RIMS1: variants seen among roughly 807,000 people sequenced by gnomAD.
The protein encoded by RIMS1 is regulating synaptic membrane exocytosis 1.
Under a neutral mutation model 214.1 loss-of-function variants are expected in RIMS1, and 83 were observed. That is an observed-to-expected ratio of 0.39 (90% CI 0.32 to 0.47). The LOEUF (loss-of-function observed/expected upper bound fraction) is 0.47. Among genes scored for constraint, RIMS1 ranks in the 20% least tolerant of loss-of-function variants. RIMS1 has a pLI of 0.99. For synonymous variants in RIMS1, 793 were observed against 786.8 expected (o/e 1.01, Z -0.13); for missense variants, 2,050 against 2,161.8 (o/e 0.95, Z 1.03).
chr6:72,169,972 T>A (rs2046800636), intron 4 of RIMS1, among the ~76,000 whole-genome samples: 1 of 152,186 alleles, frequency 6.6e-6, no homozygotes, highest in Non-Finnish European at 1.5e-5. Context: ...TCGTCATTAC[T>A]CATCATAAAA....
Position 72,182,863 on chromosome 6 carries a change from C to A in RIMS1, c.1392C>A (p.Leu464=). ...CGGTTCCCGCAGAAGCCCCGGAGCT[C>A]AAAGCCCAGGAGCCCCTCAGGAAGC... ...HGPVPAEAPE[L]KAQEPLRKQS... is the part of the protein sequence containing the mutation. Residue 464 remains leucine (L), a synonymous_variant, in exon 6 of 34, where the codon CTC becomes CTA. Coordinates refer to ENST00000521978, the MANE Select transcript of RIMS1 (RefSeq NM_014989.7). The A allele has an allele frequency of 6.4e-7, 1 of 1,559,476 alleles. No individual in the cohort carries two copies. The highest frequency in any genetic ancestry group is 2.4e-5 in the East Asian group (1 of 41,466).
In RIMS1 at chr6:71,887,180, A is replaced by G. The variant is rs575393307; in HGVS notation, c.157A>G (p.Met53Val). ...QKEEEEKEEA[M>V]LKCVVRDMAK... is the part of the protein sequence containing the mutation. ...GGAAGAGGAGGAAAAAGAAGAAGCC[A>G]TGCTCAAGTAAGCCAGCCCCAGCCG... is the stretch of plus-strand genomic sequence containing the variant. Residue 53 changes from methionine (M) to valine (V), a missense_variant, in exon 1 of 34, where the codon ATG (methionine) becomes GTG (valine). By Grantham distance (21) the Met-to-Val change is conservative. Around this residue, in one of 6 missense-constraint regions of RIMS1, gnomAD observed 882 missense variants for 828.9 expected, o/e 1.06. Coordinates refer to ENST00000521978, the MANE Select transcript of RIMS1 (RefSeq NM_014989.7). 2 of 1,606,204 alleles carry G rather than the reference A, an allele frequency of 1.2e-6. No homozygotes were observed. Among genetic ancestry groups the G allele is most frequent in the Admixed American group, 3.4e-5 (2 of 58,998 alleles).
At chr6:72,376,739 T>A (rs1236398357) in intron 29 of RIMS1, among the ~76,000 whole-genome samples, 15 of 143,262 alleles carry the variant, frequency 1.0e-4, no homozygotes, top group African/African-American at 4.0e-4. Context: ...AGAGAGAGAC[T>A]CTGTCTCAAA....
rs541339754 is a variant in RIMS1, at chr6:72,147,181, G to T, written c.472-32394G>T. ...AGATTAAAGTCATATGAATTAAAAG[G>T]CATTACAGCTTTAATTTTTCCTTCA... is the stretch of plus-strand genomic sequence containing the variant. On this transcript the variant is annotated intron_variant, in intron 4 of 33. Transcript: ENST00000521978. Among the ~76,000 whole-genome samples, 11 of 152,218 alleles carry T rather than the reference G, an allele frequency of 7.2e-5. No individual in the cohort carries two copies. In the South Asian group the frequency reaches 2.3e-3, roughly 32 times the overall value.
intron 33 of RIMS1, 80 bp downstream of exon 33, chr6:72,399,174 GAA>G: frequency 9.1e-7 from 1 of 1,098,782 alleles, no homozygotes; most frequent in Non-Finnish European, 1.2e-6. Context: ...AACACAAAGA[GAA>G]TAAAATTTGG....
rs2044357622 is a variant in RIMS1, at chr6:72,155,772, G to C, written c.472-23803G>C. ...CCCATAATTCAATCACCTCCCACCA[G>C]GTTCCTCCCATGACATGTGGGAATT... On this transcript the variant is annotated intron_variant, in intron 4 of 33. Transcript: ENST00000521978. Among the ~76,000 whole-genome samples the C allele has an allele frequency of 1.4e-5, 2 of 140,124 alleles. 1 individual carries two copies. The highest frequency in any genetic ancestry group is 4.8e-4 in the South Asian group (2 of 4,202). The allele number at this position is 140,124 out of a possible 152,430, so 91.9% of individuals were successfully genotyped here.
intron 3 of RIMS1, 119 bp downstream of exon 3, chr6:72,097,281 A>G: frequency 2.4e-6 from 2 of 817,544 alleles, no homozygotes; most frequent in South Asian, 3.3e-5. Flanking sequence ...ACACGTTAAA[A>G]TGAACCTCCC....
chr6:72,348,875 A>G (rs957642416), intron 29 of RIMS1, among the ~76,000 whole-genome samples: 1 of 152,046 alleles, frequency 6.6e-6, no homozygotes, highest in African/African-American at 2.4e-5. Context: ...ATAATGATTG[A>G]TAAAGATATT....
In RIMS1 at chr6:72,265,015, C is replaced by T; in HGVS notation, c.3157C>T (p.Pro1053Ser). The change falls in exon 20 of 34, where the codon CCT becomes TCT. Residue 1053 changes from proline (P) to serine (S), a missense_variant. Pro to Ser is a moderately conservative substitution (Grantham distance 74). Coordinates refer to ENST00000521978, the MANE Select transcript of RIMS1 (RefSeq NM_014989.7). ...CTATAAAACATTACCTCCCAAGATG[C>T]CTTTATTACAGAGCAGTTCTCACTG... ...RHYKTLPPKMPLLQSSSHWNI... is the reference protein window; with the variant it reads ...RHYKTLPPKMSLLQSSSHWNI... The T allele has an allele frequency of 6.3e-7, 1 of 1,596,282 alleles. No homozygotes were observed. Among genetic ancestry groups the T allele is most frequent in the Non-Finnish European group, 8.5e-7 (1 of 1,169,684 alleles).
chr6:72,221,290 G>T (rs1351733226), intron 6 of RIMS1, among the ~76,000 whole-genome samples: 4 of 147,060 alleles, frequency 2.7e-5, no homozygotes, highest in Non-Finnish European at 6.0e-5. Context: ...GATCTGGGGT[G>T]AGTGTGTGTG....
chr6:71,911,419 C>T (rs1322154118), intron 1 of RIMS1, among the ~76,000 whole-genome samples: 2 of 152,098 alleles, frequency 1.3e-5, no homozygotes, highest in African/African-American at 4.8e-5. Context: ...ATTTTCTTAT[C>T]TATCTCTCTG....
At chr6:72,160,569 A>G (rs2045235235) in intron 4 of RIMS1, among the ~76,000 whole-genome samples, 1 of 139,898 alleles carries the variant, frequency 7.1e-6, no homozygotes, top group Non-Finnish European at 1.6e-5. Flanking sequence ...TCAATACCTA[A>G]TTTATTGAGA....
chr6:71,946,671 T>TA (rs1039026277), intron 1 of RIMS1, among the ~76,000 whole-genome samples: 26 of 152,088 alleles, frequency 1.7e-4, no homozygotes, highest in African/African-American at 6.0e-4. Flanking sequence ...CCTGAAACTC[T>TA]AAAACTATTA....
chr6:72,368,292 A>ATTTTTT (rs1168375463), intron 29 of RIMS1, among the ~76,000 whole-genome samples: 2 of 79,124 alleles, frequency 2.5e-5, no homozygotes, highest in Admixed American at 1.3e-4. Context: ...GTGTTGTCTG[A>ATTTTTT]TTTTTTTTTT....
At chr6:72,267,396 A>T (rs2081085522) in intron 22 of RIMS1, among the ~76,000 whole-genome samples, 1 of 152,168 alleles carries the variant, frequency 6.6e-6, no homozygotes, top group Non-Finnish European at 1.5e-5. Context: ...AATATTACCC[A>T]TATCAGTGCC....
At chr6:72,246,630 A>T (rs1320882692) in intron 11 of RIMS1, among the ~76,000 whole-genome samples, 1 of 152,172 alleles carries the variant, frequency 6.6e-6, no homozygotes, top group Admixed American at 6.6e-5. Flanking sequence ...AAAATATGAA[A>T]GTAGGATAAA....
chr6:71,948,918 A>T (rs1002034838), intron 1 of RIMS1, among the ~76,000 whole-genome samples: 1 of 152,114 alleles, frequency 6.6e-6, no homozygotes, highest in Non-Finnish European at 1.5e-5. Flanking sequence ...GATTAAGGAG[A>T]ATCTAAGTTT....
chr6:72,276,603 G>A (rs1472521236), intron 23 of RIMS1, among the ~76,000 whole-genome samples: 4 of 151,764 alleles, frequency 2.6e-5, no homozygotes, highest in Admixed American at 2.6e-4. Context: ...GCTTTTTTAT[G>A]ATAACATATT....
At chr6:72,038,966 T>C (rs1027931665) in intron 2 of RIMS1, among the ~76,000 whole-genome samples, 2 of 152,134 alleles carry the variant, frequency 1.3e-5, no homozygotes, top group African/African-American at 4.8e-5. Context: ...ATTTACGGTT[T>C]ATAACTTGAA....
Sources: allele counts gnomAD v4.1 joint callset (sites outside exome capture counted in the v4.1 genomes callset), GRCh38; gene constraint gnomAD v4.1.1; regional missense constraint gnomAD v4.1.1; transcripts MANE v1.5; gene names NCBI Gene and HGNC (gene_info 2026-07-23, HGNC 2026-07-21).